Variants in DNAJC15 observed in about 807,000 individuals in gnomAD.
DNAJC15 encodes dnaJ homolog subfamily C member 15.
In DNAJC15, 27 loss-of-function variants were observed where a neutral mutation model predicts 22.4. That is an observed-to-expected ratio of 1.20 (90% confidence interval 0.89 to 1.66). DNAJC15 has a LOEUF of 1.66. Ranked by LOEUF, DNAJC15 falls within the 40% of genes most tolerant of loss-of-function variation. The pLI is 0.00. For missense variants in DNAJC15, 208 were observed against 187.1 expected, an observed-to-expected ratio of 1.11 and a Z score of -0.65; for synonymous variants, 79 against 63.2, an observed-to-expected ratio of 1.25 and a Z score of -1.19.
intron 1 of DNAJC15, among the ~76,000 whole-genome samples, chr13:43,051,175 A>C (rs1593314730): frequency 6.6e-6 from 1 of 152,146 alleles, no homozygotes; most frequent in East Asian, 1.9e-4. Context: ...ATGGGGTTTC[A>C]CCATGTTAGC....
At chr13:43,065,051 T>C (rs9315984) in intron 1 of DNAJC15, among the ~76,000 whole-genome samples, 16,228 of 151,958 alleles carry the variant, frequency 0.11, 942 homozygotes, top group East Asian at 0.26. Flanking sequence ...GTGACACTAA[T>C]AGTTTCCTGA....
At chr13:43,093,932 T>C (rs1303334229) in intron 5 of DNAJC15, among the ~76,000 whole-genome samples, 28 of 152,240 alleles carry the variant, frequency 1.8e-4, no homozygotes, top group Non-Finnish European at 1.5e-5. Flanking sequence ...TATCAACCTC[T>C]ACATTCATTC....
intron 1 of DNAJC15, among the ~76,000 whole-genome samples, chr13:43,046,395 G>T (rs1320459056): frequency 6.6e-6 from 1 of 152,090 alleles, no homozygotes; most frequent in African/African-American, 2.4e-5. Flanking sequence ...CATCTCGGTG[G>T]TGGTGAGAGA....
At chr13:43,098,712 T>G (rs946787049) in intron 5 of DNAJC15, among the ~76,000 whole-genome samples, 13 of 152,240 alleles carry the variant, frequency 8.5e-5, no homozygotes, top group African/African-American at 3.1e-4. Context: ...TATTGTCCCC[T>G]CATCTTCCTG....
At chr13:43,025,494 A>G (rs2040376459) in intron 1 of DNAJC15, among the ~76,000 whole-genome samples, 1 of 152,220 alleles carries the variant, frequency 6.6e-6, no homozygotes, top group South Asian at 2.1e-4. Flanking sequence ...GTCCTGTAAT[A>G]TCCTGAAATC....
At chr13:43,031,583 G>A (rs994374626) in intron 1 of DNAJC15, among the ~76,000 whole-genome samples, 2 of 152,202 alleles carry the variant, frequency 1.3e-5, no homozygotes, top group Non-Finnish European at 1.5e-5. Context: ...GATGATAGCT[G>A]AACTGTTTTG....
At chr13:43,058,616 G>C (rs2040542578) in intron 1 of DNAJC15, among the ~76,000 whole-genome samples, 1 of 151,998 alleles carries the variant, frequency 6.6e-6, no homozygotes, top group Admixed American at 6.6e-5. Flanking sequence ...TGCACTTCCT[G>C]TTTGAACCTC....
intron 1 of DNAJC15, among the ~76,000 whole-genome samples, chr13:43,055,021 A>G (rs1054520375): frequency 2.0e-5 from 3 of 150,978 alleles, no homozygotes; most frequent in African/African-American, 7.3e-5. Flanking sequence ...GGGCCTTAAT[A>G]AGCACATTCC....
At chr13:43,046,759 G>A (rs115363602) in intron 1 of DNAJC15, among the ~76,000 whole-genome samples, 2,222 of 152,168 alleles carry the variant, frequency 0.015, 56 homozygotes, top group African/African-American at 0.048. Context: ...GTTACGGTTC[G>A]AGCTGAGCTT....
chr13:43,068,738 G>T (rs969239005), intron 2 of DNAJC15, among the ~76,000 whole-genome samples, 192 bp from the exon 3 acceptor site: 2 of 151,834 alleles, frequency 1.3e-5, no homozygotes, highest in African/African-American at 2.4e-5. Flanking sequence ...TATGATAATG[G>T]TATTAACATG....
chr13:43,065,738 G>T lies in DNAJC15; in HGVS notation c.160+1G>T, dbSNP rs754541397. The T allele has an allele frequency of 1.2e-6, 2 of 1,612,932 alleles. No individual in the cohort carries two copies. Among genetic ancestry groups the T allele is most frequent in the Non-Finnish European group, 1.7e-6 (2 of 1,179,456 alleles). On this transcript the variant is annotated splice_donor_variant, in intron 2 of 5. Transcript: ENST00000379221. LOFTEE classifies it high-confidence loss of function. ...GGTGTTGCAGCTCTTGCATTTGCAG[G>T]TAAGATAAAGAATACATACCAATAA...
intron 1 of DNAJC15, among the ~76,000 whole-genome samples, chr13:43,031,450 T>C (rs1454471290): frequency 6.6e-6 from 1 of 152,120 alleles, no homozygotes; most frequent in Admixed American, 6.5e-5. Flanking sequence ...AAACCTAGAC[T>C]CCTAGACTGG....
chr13:43,108,066 A>C lies in DNAJC15; in HGVS notation c.*818A>C, dbSNP rs2040806770. On this transcript the variant is annotated 3_prime_UTR_variant, in exon 6 of 6. Coordinates refer to ENST00000379221, the MANE Select transcript of DNAJC15 (RefSeq NM_013238.3). Reference sequence around the variant, plus strand: ...CATGGATCATGAACCAAAGGAACTTATATGTAGAGGAAGGATAAATCACAA... The same window carrying C: ...CATGGATCATGAACCAAAGGAACTTCTATGTAGAGGAAGGATAAATCACAA... The C allele has an allele frequency of 6.6e-6, 1 of 152,648 alleles. No individual in the cohort carries two copies. Among genetic ancestry groups the C allele is most frequent in the Non-Finnish European group, 1.5e-5 (1 of 68,026 alleles). The allele number at this position is 152,648 out of a possible 1,614,324, so 9.5% of individuals were successfully genotyped here.
intron 3 of DNAJC15, among the ~76,000 whole-genome samples, chr13:43,070,907 G>A (rs1465506516): frequency 3.3e-5 from 5 of 152,198 alleles, no homozygotes; most frequent in South Asian, 2.1e-4. Context: ...AAACCAGTAA[G>A]CGGGTATTGA....
intron 1 of DNAJC15, among the ~76,000 whole-genome samples, chr13:43,043,154 C>G (rs1365754898): frequency 6.6e-6 from 1 of 152,124 alleles, no homozygotes; most frequent in African/African-American, 2.4e-5. Flanking sequence ...TCACTCAGGC[C>G]GGAGTCCAGT....
chr13:43,059,164 T>TA (rs2040545253), intron 1 of DNAJC15, among the ~76,000 whole-genome samples: 1 of 141,940 alleles, frequency 7.0e-6, no homozygotes, highest in Non-Finnish European at 1.6e-5. Flanking sequence ...TTCTTTTTGT[T>TA]GTTTTTAAAG....
chr13:43,105,130 G>A (rs1193930642), intron 5 of DNAJC15, among the ~76,000 whole-genome samples: 8 of 151,828 alleles, frequency 5.3e-5, no homozygotes, highest in South Asian at 2.1e-4. Flanking sequence ...GAAGGAGCAA[G>A]TTCTACACTT....
chr13:43,028,038 C>G (rs536936504), intron 1 of DNAJC15, among the ~76,000 whole-genome samples: 1 of 152,206 alleles, frequency 6.6e-6, no homozygotes, highest in South Asian at 2.1e-4. Context: ...TTTATTTGTT[C>G]TCTGGTATGT....
At chr13:43,023,772 C>T in intron 1 of DNAJC15, 38 bp downstream of exon 1, 7 of 1,553,106 alleles carry the variant, frequency 4.5e-6, no homozygotes, top group Non-Finnish European at 6.1e-6. Context: ...TCTCTGGCTC[C>T]CTTGTAGTTT....
Sources: gnomAD v4.1 joint callset for allele counts (sites outside exome capture counted in the v4.1 genomes callset) on GRCh38, gnomAD v4.1.1 for gene constraint, MANE v1.5 for transcripts, NCBI Gene and HGNC (gene_info 2026-07-23, HGNC 2026-07-21) for gene names.